SOS1: variants seen among roughly 807,000 people sequenced by gnomAD.
SOS1 encodes the protein SOS Ras/Rac guanine nucleotide exchange factor 1.
Under a neutral mutation model 157.6 loss-of-function variants are expected in SOS1, and 25 were observed. The observed-to-expected ratio is 0.16, with a 90% CI of 0.12 to 0.22. SOS1 has a LOEUF of 0.22. Ranked by LOEUF, SOS1 falls within the 10% of genes least tolerant of loss-of-function variation. SOS1 has a pLI of 1.00. For synonymous variants in SOS1, 528 were observed against 534.0 expected, an observed-to-expected ratio of 0.99 and a Z score of 0.16; for missense variants, 1,237 against 1,599.1, an observed-to-expected ratio of 0.77 and a Z score of 3.86.
In SOS1 at chr2:38,982,946, T is replaced by A. The variant is rs1174894359; in HGVS notation, c.*2878A>T. On this transcript the variant is annotated 3_prime_UTR_variant, in exon 23 of 23. Transcript: ENST00000402219. ...TAGTATTAGTGTGGCATGCTCTTTG[T>A]CAAATTCAGATCCATTAAAGCATCC... 1.3e-5 allele frequency: 2 copies of A among 152,182 alleles called. No individual in the cohort carries two copies. The highest frequency in any genetic ancestry group is 2.9e-5 in the Non-Finnish European group (2 of 68,014). 9.4% of individuals were successfully genotyped at this position (152,182 alleles called of 1,614,324 possible).
intron 1 of SOS1, among the ~76,000 whole-genome samples, chr2:39,100,261 G>C (rs1672916729): frequency 6.6e-6 from 1 of 152,160 alleles, no homozygotes; most frequent in South Asian, 2.1e-4. Flanking sequence ...AGTAATGGAG[G>C]TTCCTCAAAA....
chr2:39,065,499 T>C (rs565595200), intron 2 of SOS1, among the ~76,000 whole-genome samples: 1 of 152,352 alleles, frequency 6.6e-6, no homozygotes, highest in East Asian at 1.9e-4. Flanking sequence ...TTTGTAACTA[T>C]GTTACTTATG....
intron 21 of SOS1, 40 bp downstream of exon 21, chr2:38,989,230 C>T (rs556215881): frequency 1.4e-6 from 2 of 1,443,178 alleles, no homozygotes; most frequent in South Asian, 1.1e-5. Context: ...ATTTTTAAAG[C>T]CAAAGCAAGA....
At chr2:39,084,662 G>A (rs1181831290) in intron 1 of SOS1, among the ~76,000 whole-genome samples, 1 of 151,946 alleles carries the variant, frequency 6.6e-6, no homozygotes, top group African/African-American at 2.4e-5. Context: ...TGTGGTTTAC[G>A]CCAGTGTATA....
intron 10 of SOS1, among the ~76,000 whole-genome samples, chr2:39,020,267 T>G (rs1243134783): frequency 4.0e-5 from 6 of 151,666 alleles, no homozygotes; most frequent in African/African-American, 1.4e-4. Context: ...GGGATAAAGT[T>G]GGCTGACACC....
intron 6 of SOS1, among the ~76,000 whole-genome samples, chr2:39,040,305 C>G (rs1159785670): frequency 6.6e-6 from 1 of 152,168 alleles, no homozygotes; most frequent in Non-Finnish European, 1.5e-5. Flanking sequence ...GCATGAGCCA[C>G]TGTGCCCGGC....
rs769479368 is a variant in SOS1, at chr2:39,035,408, C to T, written c.957G>A (p.Gly319=). The change falls in exon 7 of 23, where the codon GGG becomes GGA. Residue 319 remains glycine (G), a synonymous_variant. Transcript: ENST00000402219. ...ACTATACCTGCAAATAAAGTGCTGC[C>T]CCAGGCTTTGATAACTGACTAAGGA... The part of the protein sequence containing the change: ...DRFLSQLSKP[G]AALYLQSIGE... 6.2e-6 allele frequency: 10 copies of T among 1,612,908 alleles called. No individual in the cohort carries two copies. In the South Asian group the frequency reaches 8.8e-5, roughly 14 times the overall value.
At position 39,013,898 on chromosome 2, in the gene SOS1, T is replaced by G. The variant is rs754426287; in HGVS notation, c.2032A>C (p.Arg678=). ...TGCACAGGCTGTATATATTCTTTTC[T>G]AAATCTTTTCAGTTCTGCACTCAAG... The part of the protein sequence containing the change: ...QPLSAELKRF[R]KEYIQPVQLR... The change falls in exon 12 of 23, where the codon AGA becomes CGA. Residue 678 remains arginine, a synonymous_variant. Transcript: ENST00000402219. 6.2e-7 allele frequency: 1 copy of G among 1,609,650 alleles called. No homozygotes were observed. Among genetic ancestry groups the G allele is most frequent in the African/African-American group, 1.3e-5 (1 of 74,818 alleles).
chr2:39,099,539 T>C (rs978473712), intron 1 of SOS1, among the ~76,000 whole-genome samples: 1 of 152,204 alleles, frequency 6.6e-6, no homozygotes, highest in African/African-American at 2.4e-5. Context: ...TCTGTAAATA[T>C]ACTAAAAACT....
At chr2:39,082,852 C>T (rs1469420919) in intron 1 of SOS1, among the ~76,000 whole-genome samples, 1 of 152,078 alleles carries the variant, frequency 6.6e-6, no homozygotes, top group Non-Finnish European at 1.5e-5. Context: ...GGGGCATACA[C>T]GTAGACTGGG....
intron 17 of SOS1, among the ~76,000 whole-genome samples, chr2:38,998,348 C>T (rs1668972382): frequency 6.6e-6 from 1 of 152,078 alleles, no homozygotes; most frequent in Non-Finnish European, 1.5e-5. Flanking sequence ...TTCCTGGGTT[C>T]AAGCGATTCT....
rs773306505 is a variant in SOS1 at position 38,986,294 on chromosome 2, T to G, written c.3532A>C (p.Ser1178Arg). The change falls in exon 23 of 23, where the codon AGT becomes CGT. Residue 1178 changes from serine to arginine, a missense_variant. By Grantham distance (110) the Ser-to-Arg change is moderately radical (BLOSUM62 -1). Around this residue, in one of 15 missense-constraint regions of SOS1, gnomAD observed 306 missense variants for 322.6 expected, o/e 0.95. Transcript: ENST00000402219. Reference protein sequence around the residue: ...PSKIMSKHLDSPPAIPPRQPT... With the variant: ...PSKIMSKHLDRPPAIPPRQPT... Reference sequence around the variant, plus strand: ...TGCCTAGGAGGAATGGCTGGGGGACTGTCCAAATGCTTAGACATAATCTAA... The same window carrying G: ...TGCCTAGGAGGAATGGCTGGGGGACGGTCCAAATGCTTAGACATAATCTAA... The G allele has an allele frequency of 6.2e-7, 1 of 1,612,826 alleles. No individual in the cohort carries two copies. Among genetic ancestry groups the G allele is most frequent in the East Asian group, 2.2e-5 (1 of 44,866 alleles).
At chr2:39,076,540 A>G (rs1053592537) in intron 1 of SOS1, among the ~76,000 whole-genome samples, 6 of 152,240 alleles carry the variant, frequency 3.9e-5, no homozygotes, top group Non-Finnish European at 7.3e-5. Context: ...TTAACAGATA[A>G]AAGGAGAAAA....
intron 20 of SOS1, among the ~76,000 whole-genome samples, chr2:38,991,042 T>C (rs187768703): frequency 1.3e-5 from 2 of 152,202 alleles, no homozygotes; most frequent in African/African-American, 2.4e-5. Context: ...TAGAATCCTA[T>C]GGGAAGTTTT....
At chr2:38,988,957 T>TTC in intron 21 of SOS1, among the ~76,000 whole-genome samples, 1 of 151,942 alleles carries the variant, frequency 6.6e-6, no homozygotes, top group African/African-American at 2.4e-5. Flanking sequence ...TTTTTTTTTT[T>TTC]TCAAAGTTGA....
At position 39,006,546 on chromosome 2, in the gene SOS1, T is replaced by C. The variant is rs774128271; in HGVS notation, c.2674-17A>G. On this transcript the variant is annotated splice_polypyrimidine_tract_variant and intron_variant, in intron 16 of 22. Transcript: ENST00000402219. ...TGGTATTTGCTATAAGGAAAAAAAA[T>C]AGGCGTAAGTTTACAAAAGGAATCA... is the stretch of plus-strand genomic sequence containing the variant. 1 of 1,246,778 alleles carries C rather than the reference T, an allele frequency of 8.0e-7. No individual in the cohort carries two copies. Among genetic ancestry groups the C allele is most frequent in the Non-Finnish European group, 1.2e-6 (1 of 845,748 alleles). The allele number at this position is 1,246,778 out of a possible 1,614,324, so 77.2% of individuals were successfully genotyped here. A position where few individuals can be genotyped will look rare whatever the true frequency, so the allele number is the denominator to read the frequency against.
At chr2:38,994,909 T>C (rs1188968424) in intron 20 of SOS1, among the ~76,000 whole-genome samples, 3 of 152,224 alleles carry the variant, frequency 2.0e-5, no homozygotes, top group Non-Finnish European at 4.4e-5. Context: ...TAACGTATAA[T>C]AAATTTAAAG....
In SOS1 at chr2:39,120,296, G is replaced by C. The variant is rs773838794; in HGVS notation, c.87+40C>G. The C allele has an allele frequency of 3.3e-6, 5 of 1,536,242 alleles. No individual in the cohort carries two copies. The Admixed American group carries it at 5.5e-5, about 17-fold the overall frequency. Reference sequence around the variant, plus strand: ...AGCCCTTCCCCAGCGCCCGCGCTGGGGGGCTGCGGCCGGGAAGCGGGGTCC... The same window carrying C: ...AGCCCTTCCCCAGCGCCCGCGCTGGCGGGCTGCGGCCGGGAAGCGGGGTCC... On this transcript the variant is annotated intron_variant, in intron 1 of 22. Coordinates refer to ENST00000402219, the MANE Select transcript of SOS1 (RefSeq NM_005633.4).
chr2:39,106,470 C>T (rs1453512147), intron 1 of SOS1, among the ~76,000 whole-genome samples: 2 of 148,722 alleles, frequency 1.3e-5, no homozygotes, highest in Non-Finnish European at 3.0e-5. Context: ...GGGCGCCTGT[C>T]GTCCCAGCTA....
Sources: allele counts gnomAD v4.1 joint callset (sites outside exome capture counted in the v4.1 genomes callset), GRCh38; gene constraint gnomAD v4.1.1; regional missense constraint gnomAD v4.1.1; transcripts MANE v1.5; gene names NCBI Gene and HGNC (gene_info 2026-07-23, HGNC 2026-07-21).